HSPA12B: variants seen among roughly 807,000 people sequenced by gnomAD.
The protein encoded by HSPA12B is heat shock protein family A (Hsp70) member 12B, also known as heat shock 70 kDa protein 12B.
HSPA12B carries 54 observed loss-of-function variants against 69.3 expected under a neutral mutation model. That is an observed-to-expected ratio of 0.78 (90% CI 0.63 to 0.98). HSPA12B has a LOEUF of 0.98. Ranked by LOEUF, HSPA12B falls within the 50% of genes least tolerant of loss-of-function variation. HSPA12B has a pLI of 0.00. For synonymous variants in HSPA12B, 441 were observed against 436.5 expected (o/e 1.01, Z -0.13); for missense variants, 929 against 999.8 (o/e 0.93, Z 0.96).
chr20:3,748,413 C>A, intron 8 of HSPA12B, 22 bp downstream of exon 8: 1 of 1,557,340 alleles, frequency 6.4e-7, no homozygotes, highest in South Asian at 1.2e-5. Context: ...CCGGGGACAC[C>A]ACCCACCCCT....
rs546454025 is a variant in HSPA12B, at chr20:3,740,159, T to TGTGGG, written c.44-655_44-654insTGGGG. Among the ~76,000 whole-genome samples, 2 of 151,426 alleles carry TGTGGG rather than the reference T, an allele frequency of 1.3e-5. No homozygotes were observed. Among genetic ancestry groups the TGTGGG allele is most frequent in the African/African-American group, 4.9e-5 (2 of 40,896 alleles). ...CTCAGGGTGTGTGTATGTGTGTGTG[T>TGTGGG]GGGGGGTGGGAATCAGACTTCCTAA... On this transcript the variant is annotated intron_variant, in intron 2 of 12. Transcript: ENST00000254963. The surrounding 1 kb of genome is among the most constrained non-coding windows in gnomAD (Gnocchi z 4.9).
Position 3,748,293 on chromosome 20 carries a change from G to A in HSPA12B, c.752G>A (p.Arg251His), listed in dbSNP as rs769008328. Residue 251 changes from arginine to histidine, a missense_variant, in exon 8 of 13, where the codon CGC (arginine) becomes CAC (histidine). By Grantham distance (29) the Arg-to-His change is conservative. Transcript: ENST00000254963. ...LEPEAASVYC[R>H]KLRLHQLLDL... ...CCCGAGGCCGCCTCGGTATACTGCC[G>A]CAAGCTGCGCCTGCACCAGCTCCTG... The A allele has an allele frequency of 8.7e-6, 14 of 1,611,284 alleles. No individual in the cohort carries two copies. The highest frequency in any genetic ancestry group is 4.4e-5 in the South Asian group (4 of 90,614).
intron 7 of HSPA12B, among the ~76,000 whole-genome samples, chr20:3,747,942 G>A (rs1030636051): frequency 6.6e-6 from 1 of 152,270 alleles, no homozygotes; most frequent in African/African-American, 2.4e-5. Context: ...CAGATCCCAG[G>A]GGTTCTAGGT....
At position 3,745,797 on chromosome 20, in the gene HSPA12B, T is replaced by G; in HGVS notation, c.559-118T>G. The G allele has an allele frequency of 9.5e-7, 1 of 1,057,534 alleles. No homozygotes were observed. Among genetic ancestry groups the G allele is most frequent in the Non-Finnish European group, 1.5e-6 (1 of 679,258 alleles). The allele number at this position is 1,057,534 out of a possible 1,614,324, so 65.5% of individuals were successfully genotyped here. ...ATACTGATGGGAGGGGGGCCGATTCTTCCAGCTCTGCTGGGAAGTCCTTCC... is the reference window on the plus strand; with the variant it reads ...ATACTGATGGGAGGGGGGCCGATTCGTCCAGCTCTGCTGGGAAGTCCTTCC... On this transcript the variant is annotated intron_variant, in intron 6 of 12. Transcript: ENST00000254963. This position sits in a 1 kb window ranked among gnomAD's most constrained non-coding sequence, Gnocchi z 5.6.
In HSPA12B at chr20:3,750,070, G is replaced by A. The variant is rs1174000512; in HGVS notation, c.1144G>A (p.Ala382Thr). The change falls in exon 11 of 13, where the codon GCA becomes ACA. Residue 382 changes from alanine (A) to threonine (T), a missense_variant. Coordinates refer to ENST00000254963, the MANE Select transcript of HSPA12B (RefSeq NM_052970.5). ...FIATFKRQRP[A>T]AWVDLTIAFE... ...CGCCACCTTCAAAAGGCAACGGCCG[G>A]CAGCCTGGGTAGATCTGACCATCGC... 1 of 1,611,668 alleles carries A rather than the reference G, an allele frequency of 6.2e-7. No individual in the cohort carries two copies. Among genetic ancestry groups the A allele is most frequent in the South Asian group, 1.1e-5 (1 of 90,862 alleles).
chr20:3,751,890 C>G lies in HSPA12B; in HGVS notation c.1785C>G (p.Cys595Trp), dbSNP rs776877123. 2.6e-6 allele frequency: 4 copies of G among 1,568,162 alleles called. No individual in the cohort carries two copies. In the South Asian group the frequency reaches 3.5e-5, roughly 14 times the overall value. Residue 595 changes from cysteine to tryptophan, a missense_variant, in exon 13 of 13, where the codon TGC (cysteine) becomes TGG (tryptophan). Around this residue, in one of 3 missense-constraint regions of HSPA12B, gnomAD observed 448 missense variants for 448.1 expected, o/e 1.00. Coordinates refer to ENST00000254963, the MANE Select transcript of HSPA12B (RefSeq NM_052970.5). Reference protein sequence around the residue: ...ALGEEVRRSYCPARPGQRRVL... With the variant: ...ALGEEVRRSYWPARPGQRRVL... ...GCGAGGAGGTGCGGCGCAGCTACTG[C>G]CCGGCGCGTCCCGGCCAGCGGCGCG... is the stretch of plus-strand genomic sequence containing the variant.
At position 3,745,099 on chromosome 20, in the gene HSPA12B, G is replaced by A. The variant is rs764331836; in HGVS notation, c.453+11G>A. On this transcript the variant is annotated intron_variant, in intron 5 of 12. Coordinates refer to ENST00000254963, the MANE Select transcript of HSPA12B (RefSeq NM_052970.5). The surrounding 1 kb of genome is among the most constrained non-coding windows in gnomAD (Gnocchi z 5.6). ...ATCCACAGCGCCACGGTGAGTCACA[G>A]GGCTCCAGACAGGGAGGCGGGGCCA... 6.2e-6 allele frequency: 10 copies of A among 1,611,376 alleles called. No individual in the cohort carries two copies. In the East Asian group the frequency reaches 1.3e-4, roughly 22 times the overall value.
At chr20:3,751,043 C>T in intron 12 of HSPA12B, 136 bp downstream of exon 12, 2 of 906,660 alleles carry the variant, frequency 2.2e-6, no homozygotes, top group Non-Finnish European at 3.4e-6. Flanking sequence ...AGAACACCTG[C>T]GGGATGAAGT....
In HSPA12B at chr20:3,749,257, C is replaced by A; in HGVS notation, c.876C>A (p.Arg292=). 1 of 1,613,690 alleles carries A rather than the reference C, an allele frequency of 6.2e-7. No individual in the cohort carries two copies. Among genetic ancestry groups the A allele is most frequent in the Non-Finnish European group, 8.5e-7 (1 of 1,179,876 alleles). ...CTCGGGAGCAGCTGCGAAGGTCCCG[C>A]CACAGCCGCACGTTCCTGGTGGAGT... The part of the protein sequence containing the change: ...RQAREQLRRS[R]HSRTFLVESG... Residue 292 remains arginine (R), a synonymous_variant, in exon 9 of 13, where the codon CGC becomes CGA. Coordinates refer to ENST00000254963, the MANE Select transcript of HSPA12B (RefSeq NM_052970.5). The surrounding 1 kb of genome is among the most constrained non-coding windows in gnomAD (Gnocchi z 5.5).
chr20:3,742,189 G>A, intron 3 of HSPA12B, 95 bp from the exon 4 acceptor site: 3 of 1,542,724 alleles, frequency 1.9e-6, no homozygotes, highest in East Asian at 2.3e-5. Context: ...GTCAGTGGAG[G>A]GGAGTGTCTT....
At chr20:3,738,785 A>G in intron 2 of HSPA12B, 68 bp downstream of exon 2, 3 of 1,545,794 alleles carry the variant, frequency 1.9e-6, no homozygotes, top group Non-Finnish European at 2.7e-6. Flanking sequence ...AGACCCACCT[A>G]CAGGTTGTGC....
Position 3,745,152 on chromosome 20 carries a change from G to C in HSPA12B, c.453+64G>C. ...ATGGAAAAGGGCAGGGCTAATGGGG[G>C]TGGGTGGGACAAAACCAAAACGTGT... On this transcript the variant is annotated intron_variant, in intron 5 of 12. Coordinates refer to ENST00000254963, the MANE Select transcript of HSPA12B (RefSeq NM_052970.5). This position sits in a 1 kb window ranked among gnomAD's most constrained non-coding sequence, Gnocchi z 5.6. The C allele has an allele frequency of 7.5e-7, 1 of 1,333,606 alleles. No individual in the cohort carries two copies. Among genetic ancestry groups the C allele is most frequent in the Non-Finnish European group, 1.1e-6 (1 of 948,980 alleles). The allele number at this position is 1,333,606 out of a possible 1,614,324, so 82.6% of individuals were successfully genotyped here.
chr20:3,752,134 G>T lies in HSPA12B; in HGVS notation c.2029G>T (p.Val677Leu). The T allele has an allele frequency of 6.8e-7, 1 of 1,470,774 alleles. No individual in the cohort carries two copies. Among genetic ancestry groups the T allele is most frequent in the Non-Finnish European group, 8.9e-7 (1 of 1,118,546 alleles). 91.1% of individuals were successfully genotyped at this position (1,470,774 alleles called of 1,614,324 possible). A position where few individuals can be genotyped will look rare whatever the true frequency, so the allele number is the denominator to read the frequency against. Residue 677 changes from valine (V) to leucine (L), a missense_variant, in exon 13 of 13, where the codon GTG (valine) becomes TTG (leucine). Transcript: ENST00000254963. Reference sequence around the variant, plus strand: ...CGTCGACGTCAGCACCAATCGCTCCGTGCGCGCGTCCATCGACTTTCTTTC... The same window carrying T: ...CGTCGACGTCAGCACCAATCGCTCCTTGCGCGCGTCCATCGACTTTCTTTC... ...TAVDVSTNRS[V>L]RASIDFLSN
In HSPA12B at chr20:3,752,684, G is replaced by A. The variant is rs1176673536; in HGVS notation, c.*518G>A. 6.4e-6 allele frequency: 1 copy of A among 156,120 alleles called. No individual in the cohort carries two copies. Among genetic ancestry groups the A allele is most frequent in the Non-Finnish European group, 1.4e-5 (1 of 69,744 alleles). The allele number at this position is 156,120 out of a possible 1,614,324, so 9.7% of individuals were successfully genotyped here. ...GGAAGTGGACTCCAGAGGGACAGGTGTGGTGGCACAGTCCTGGTGTGGTGC... is the reference window on the plus strand; with the variant it reads ...GGAAGTGGACTCCAGAGGGACAGGTATGGTGGCACAGTCCTGGTGTGGTGC... On this transcript the variant is annotated 3_prime_UTR_variant, in exon 13 of 13. Coordinates refer to ENST00000254963, the MANE Select transcript of HSPA12B (RefSeq NM_052970.5).
chr20:3,738,804 T>G (rs1444293759), intron 2 of HSPA12B, 87 bp downstream of exon 2: 1 of 1,380,274 alleles, frequency 7.2e-7, no homozygotes, highest in African/African-American at 1.4e-5. Context: ...GCAATGTACC[T>G]CTCCCACAGA....
chr20:3,751,578 G>T lies in HSPA12B; in HGVS notation c.1473G>T (p.Glu491Asp), dbSNP rs60858447. The change falls in exon 13 of 13, where the codon GAG becomes GAT. Residue 491 changes from glutamate (E) to aspartate (D), a missense_variant. Coordinates refer to ENST00000254963, the MANE Select transcript of HSPA12B (RefSeq NM_052970.5). ...TGTTCCTAGTGGGCGGCTTCGCCGA[G>T]TCAGCGGTGCTGCAGCACGCGGTGC... is the stretch of plus-strand genomic sequence containing the variant. ...KLLFLVGGFA[E>D]SAVLQHAVQA... 2 of 1,498,156 alleles carry T rather than the reference G, an allele frequency of 1.3e-6. No individual in the cohort carries two copies. Among genetic ancestry groups the T allele is most frequent in the African/African-American group, 2.8e-5 (2 of 70,256 alleles). 92.8% of individuals were successfully genotyped at this position (1,498,156 alleles called of 1,614,324 possible). A position where few individuals can be genotyped will look rare whatever the true frequency, so the allele number is the denominator to read the frequency against.
At chr20:3,748,095 TG>T in intron 7 of HSPA12B, 121 bp from the exon 8 acceptor site, 1 of 889,412 alleles carries the variant, frequency 1.1e-6, no homozygotes, top group Non-Finnish European at 1.7e-6. Flanking sequence ...AGGCCTAACA[TG>T]GGTGGGGTGT....
Position 3,752,128 on chromosome 20 carries a change from C to G in HSPA12B, c.2023C>G (p.Arg675Gly), listed in dbSNP as rs565661733. The G allele has an allele frequency of 1.3e-6, 2 of 1,482,354 alleles. No individual in the cohort carries two copies. The highest frequency in any genetic ancestry group is 1.8e-6 in the Non-Finnish European group (2 of 1,123,842). The allele number at this position is 1,482,354 out of a possible 1,614,324, so 91.8% of individuals were successfully genotyped here. A position where few individuals can be genotyped will look rare whatever the true frequency, so the allele number is the denominator to read the frequency against. Residue 675 changes from arginine to glycine, a missense_variant, in exon 13 of 13, where the codon CGC becomes GGC. Arg to Gly is a moderately radical substitution (Grantham distance 125). Around this residue, in one of 3 missense-constraint regions of HSPA12B, gnomAD observed 448 missense variants for 448.1 expected, o/e 1.00. Coordinates refer to ENST00000254963, the MANE Select transcript of HSPA12B (RefSeq NM_052970.5). ...KVTAVDVSTN[R>G]SVRASIDFLS... ...CACCGCCGTCGACGTCAGCACCAAT[C>G]GCTCCGTGCGCGCGTCCATCGACTT...
Position 3,734,778 on chromosome 20 carries a change from C to T in HSPA12B, c.-18+1984C>T, listed in dbSNP as rs866018717. Reference sequence around the variant, plus strand: ...TTTTGGAGACAGGGTCTCACTCTGTCACCCAGGCTGGAGTGCAGTGGTGTG... The same window carrying T: ...TTTTGGAGACAGGGTCTCACTCTGTTACCCAGGCTGGAGTGCAGTGGTGTG... On this transcript the variant is annotated intron_variant, in intron 1 of 12. Coordinates refer to ENST00000254963, the MANE Select transcript of HSPA12B (RefSeq NM_052970.5). 5.6e-4 allele frequency among the ~76,000 whole-genome samples: 80 copies of T among 141,854 alleles called. 1 individual carries two copies. Among genetic ancestry groups the T allele is most frequent in the African/African-American group, 1.9e-3 (74 of 38,104 alleles). The allele number at this position is 141,854 out of a possible 152,430, so 93.1% of individuals were successfully genotyped here. A position where few individuals can be genotyped will look rare whatever the true frequency, so the allele number is the denominator to read the frequency against.
Sources: allele counts gnomAD v4.1 joint callset (sites outside exome capture counted in the v4.1 genomes callset), GRCh38; gene constraint gnomAD v4.1.1; regional missense constraint gnomAD v4.1.1; non-coding constraint Gnocchi (gnomAD v3.1); transcripts MANE v1.5; gene names NCBI Gene and HGNC (gene_info 2026-07-23, HGNC 2026-07-21).